Variants in PPP1R12B observed in about 807,000 individuals in gnomAD.
PPP1R12B encodes protein phosphatase 1 regulatory subunit 12B.
Under a neutral mutation model 126.1 loss-of-function variants are expected in PPP1R12B, and 76 were observed. That is an observed-to-expected ratio of 0.60 (90% CI 0.50 to 0.73). The LOEUF (loss-of-function observed/expected upper bound fraction) is 0.73, where lower values mean the gene tolerates loss of function less well. Ranked by LOEUF, PPP1R12B falls within the 30% of genes least tolerant of loss-of-function variation. PPP1R12B has a pLI of 0.00. For synonymous variants in PPP1R12B, 356 were observed against 434.7 expected, an observed-to-expected ratio of 0.82 and a Z score of 2.25; for missense variants, 1,052 against 1,205.1, an observed-to-expected ratio of 0.87 and a Z score of 1.88.
chr1:202,491,253 A>C (rs1380717572), intron 14 of PPP1R12B, among the ~76,000 whole-genome samples: 1 of 152,072 alleles, frequency 6.6e-6, no homozygotes, highest in Non-Finnish European at 1.5e-5. Flanking sequence ...GGTTCAAGCA[A>C]TTCTCCTGCC....
chr1:202,451,777 G>A (rs554934581), intron 13 of PPP1R12B, among the ~76,000 whole-genome samples: 11 of 151,676 alleles, frequency 7.3e-5, no homozygotes, highest in African/African-American at 1.7e-4. Flanking sequence ...CCTCCCGGAC[G>A]GGGCGGCTGG....
intron 15 of PPP1R12B, among the ~76,000 whole-genome samples, chr1:202,494,551 G>C (rs941437694): frequency 6.9e-6 from 1 of 145,860 alleles, no homozygotes; most frequent in Non-Finnish European, 1.5e-5. Context: ...AAGGCTTATT[G>C]TTAGGCTCTA....
chr1:202,506,754 T>TA (rs879596577), intron 18 of PPP1R12B, among the ~76,000 whole-genome samples: 41 of 152,198 alleles, frequency 2.7e-4, no homozygotes, highest in Non-Finnish European at 3.7e-4. Flanking sequence ...TGGAGCTTTT[T>TA]AAAAAAAATG....
chr1:202,573,803 A>G (rs1018165238), intron 23 of PPP1R12B, among the ~76,000 whole-genome samples: 1 of 152,204 alleles, frequency 6.6e-6, no homozygotes, highest in Non-Finnish European at 1.5e-5. Flanking sequence ...GGGCTGGACT[A>G]GCACATTGGT....
chr1:202,427,963 T>A (rs560665085), intron 5 of PPP1R12B, among the ~76,000 whole-genome samples: 1 of 140,110 alleles, frequency 7.1e-6, no homozygotes, highest in South Asian at 2.6e-4. Flanking sequence ...TTTATTTTAA[T>A]TAAACTAATT....
At chr1:202,551,599 C>A (rs1481536497) in intron 18 of PPP1R12B, among the ~76,000 whole-genome samples, 2 of 151,962 alleles carry the variant, frequency 1.3e-5, no homozygotes, top group Non-Finnish European at 1.5e-5. Context: ...CTCACCTGAT[C>A]TGTAGAACCC....
chr1:202,550,404 G>C (rs972568797), intron 18 of PPP1R12B, among the ~76,000 whole-genome samples: 12 of 152,186 alleles, frequency 7.9e-5, no homozygotes, highest in African/African-American at 2.9e-4. Flanking sequence ...CAGGCTAGTG[G>C]GGAGAGACCT....
At chr1:202,430,859 T>C (rs1240275068) in intron 7 of PPP1R12B, 49 bp downstream of exon 7, 1 of 1,568,472 alleles carries the variant, frequency 6.4e-7, no homozygotes, top group South Asian at 1.2e-5. Flanking sequence ...TCTGTGTCAG[T>C]GACATACTTA....
At chr1:202,440,814 G>T in intron 11 of PPP1R12B, 26 bp downstream of exon 11, 1 of 1,578,476 alleles carries the variant, frequency 6.3e-7, no homozygotes, top group South Asian at 1.1e-5. Flanking sequence ...GCCAAAAGAT[G>T]GTCCTCATCC....
chr1:202,521,672 G>A (rs2148916517), intron 18 of PPP1R12B, among the ~76,000 whole-genome samples: 1 of 152,242 alleles, frequency 6.6e-6, no homozygotes, highest in East Asian at 1.9e-4. Flanking sequence ...ATGCAGTTTA[G>A]AGAGAGTTAG....
At chr1:202,524,604 G>A (rs1683122552) in intron 18 of PPP1R12B, among the ~76,000 whole-genome samples, 3 of 152,150 alleles carry the variant, frequency 2.0e-5, no homozygotes, top group Non-Finnish European at 4.4e-5. Flanking sequence ...TTATGAGTGA[G>A]AACATATAAT....
At position 202,582,837 on chromosome 1, in the gene PPP1R12B, A is replaced by G. The variant is rs1395061867; in HGVS notation, c.*2277A>G. The G allele has an allele frequency of 6.6e-6, 1 of 152,246 alleles. No homozygotes were observed. The highest frequency in any genetic ancestry group is 1.5e-5 in the Non-Finnish European group (1 of 68,080). The allele number at this position is 152,246 out of a possible 1,614,324, so 9.4% of individuals were successfully genotyped here. The stretch of plus-strand genomic sequence containing the variant: ...GAGGCGGAGCTTGCAGTGAGCCTTG[A>G]TCACGCCACTGCACTCCAGCCTGGG... On this transcript the variant is annotated 3_prime_UTR_variant, in exon 24 of 24. Coordinates refer to ENST00000608999, the MANE Select transcript of PPP1R12B (RefSeq NM_002481.4).
At chr1:202,404,226 A>G (rs539692027) in intron 1 of PPP1R12B, among the ~76,000 whole-genome samples, 54 of 152,132 alleles carry the variant, frequency 3.5e-4, no homozygotes, top group Non-Finnish European at 6.8e-4. Context: ...ACCAGCCACA[A>G]TTCCTTCTAT....
chr1:202,540,499 A>G (rs1362100626), intron 18 of PPP1R12B, among the ~76,000 whole-genome samples: 1 of 152,226 alleles, frequency 6.6e-6, no homozygotes, highest in African/African-American at 2.4e-5. Context: ...GCTTTTAACT[A>G]TCGGTTGTAA....
intron 13 of PPP1R12B, among the ~76,000 whole-genome samples, chr1:202,481,830 C>T (rs1572216929): frequency 6.6e-6 from 1 of 152,126 alleles, no homozygotes; most frequent in African/African-American, 2.4e-5. Flanking sequence ...TTTATTCCCC[C>T]TGTCTAATTA....
At position 202,417,002 on chromosome 1, in the gene PPP1R12B, A is replaced by C. The variant is rs1449136201; in HGVS notation, c.422+85A>C. The C allele has an allele frequency of 2.1e-6, 3 of 1,397,576 alleles. No homozygotes were observed. In the East Asian group the frequency reaches 7.4e-5, roughly 34 times the overall value. 86.6% of individuals were successfully genotyped at this position (1,397,576 alleles called of 1,614,324 possible). On this transcript the variant is annotated intron_variant, in intron 2 of 23. Coordinates refer to ENST00000608999, the MANE Select transcript of PPP1R12B (RefSeq NM_002481.4). ...CTCTATTCTTAGGAATTTGAATTTTATAAATAGTTATAATCTCTCTTTATT... is the reference window on the plus strand; with the variant it reads ...CTCTATTCTTAGGAATTTGAATTTTCTAAATAGTTATAATCTCTCTTTATT...
chr1:202,434,884 A>G, intron 9 of PPP1R12B, 116 bp downstream of exon 9: 4 of 1,476,636 alleles, frequency 2.7e-6, no homozygotes, highest in Non-Finnish European at 2.7e-6. Flanking sequence ...TTTTCCTGTC[A>G]TAATCTGCTC....
intron 19 of PPP1R12B, among the ~76,000 whole-genome samples, chr1:202,562,042 C>T (rs1422509543): frequency 1.3e-5 from 2 of 152,276 alleles, no homozygotes; most frequent in East Asian, 3.9e-4. Context: ...TATAAACCAG[C>T]GTTAAGGATT....
rs1209304486 is a variant in PPP1R12B at position 202,583,502 on chromosome 1, AG to A, written c.*2944del. The A allele has an allele frequency of 6.6e-6, 1 of 152,218 alleles. No individual in the cohort carries two copies. Among genetic ancestry groups the A allele is most frequent in the African/African-American group, 2.4e-5 (1 of 41,458 alleles). The allele number at this position is 152,218 out of a possible 1,614,324, so 9.4% of individuals were successfully genotyped here. A position where few individuals can be genotyped will look rare whatever the true frequency, so the allele number is the denominator to read the frequency against. On this transcript the variant is annotated 3_prime_UTR_variant, in exon 24 of 24. Coordinates refer to ENST00000608999, the MANE Select transcript of PPP1R12B (RefSeq NM_002481.4). The stretch of plus-strand genomic sequence containing the variant: ...CATGAAAGTAAGTGTAAACTATCCT[AG>A]GTAATTTCAGGTACTTTCTCTTATG...
Sources: allele counts gnomAD v4.1 joint callset (sites outside exome capture counted in the v4.1 genomes callset), GRCh38; gene constraint gnomAD v4.1.1; transcripts MANE v1.5; gene names NCBI Gene and HGNC (gene_info 2026-07-23, HGNC 2026-07-21).